PTPRK: variants seen among roughly 807,000 people sequenced by gnomAD.
PTPRK encodes receptor-type tyrosine-protein phosphatase kappa.
PTPRK carries 75 observed loss-of-function variants against 178.0 expected under a neutral mutation model. That is an observed-to-expected ratio of 0.42 (90% CI 0.35 to 0.51). PTPRK has a LOEUF of 0.51. PTPRK is among the 20% of genes least tolerant of loss of function. The probability of loss-of-function intolerance (pLI) is 0.02; values close to 1 mark genes in which losing one functional copy is unlikely to be tolerated. For missense variants in PTPRK, 1,441 were observed against 1,797.8 expected, an observed-to-expected ratio of 0.80 and a Z score of 3.59; for synonymous variants, 637 against 620.6, an observed-to-expected ratio of 1.03 and a Z score of -0.39.
chr6:128,506,389 T>C (rs1397332514), intron 1 of PTPRK, among the ~76,000 whole-genome samples: 1 of 152,194 alleles, frequency 6.6e-6, no homozygotes, highest in African/African-American at 2.4e-5. Context: ...CAATTCTTTG[T>C]AGGCCAAAAA....
At chr6:128,475,722 G>T (rs2128420856) in intron 1 of PTPRK, among the ~76,000 whole-genome samples, 1 of 152,046 alleles carries the variant, frequency 6.6e-6, no homozygotes, top group East Asian at 1.9e-4. Flanking sequence ...GCATCACTGT[G>T]GGTTATGGTC....
At chr6:128,132,557 C>T (rs1274981670) in intron 7 of PTPRK, among the ~76,000 whole-genome samples, 3 of 152,370 alleles carry the variant, frequency 2.0e-5, no homozygotes, top group Admixed American at 6.5e-5. Flanking sequence ...GGGGCCCACA[C>T]TAGAGAACAG....
At chr6:128,511,650 A>G (rs1190346039) in intron 1 of PTPRK, among the ~76,000 whole-genome samples, 2 of 152,256 alleles carry the variant, frequency 1.3e-5, no homozygotes, top group African/African-American at 4.8e-5. Flanking sequence ...CCTGAACTGT[A>G]GTTAGGAGAG....
intron 1 of PTPRK, among the ~76,000 whole-genome samples, chr6:128,461,356 G>A (rs1849028886): frequency 6.6e-6 from 1 of 151,692 alleles, no homozygotes; most frequent in Non-Finnish European, 1.5e-5. Context: ...GCATTAAAAG[G>A]ACACTTAAAT....
At chr6:128,205,377 T>C (rs1056260923) in intron 6 of PTPRK, among the ~76,000 whole-genome samples, 2 of 152,084 alleles carry the variant, frequency 1.3e-5, no homozygotes, top group Non-Finnish European at 2.9e-5. Context: ...CATTTATGTA[T>C]GTAACAAACC....
Position 128,472,637 on chromosome 6 carries a change from T to C in PTPRK, c.100+47622A>G, listed in dbSNP as rs1440202283. On this transcript the variant is annotated intron_variant, in intron 1 of 29. Transcript: ENST00000368226. ...ATATAATTCTACATATTAATATTTT[T>C]AAAACAACTTGAGAGTGGTTGCATA... The C allele has an allele frequency of 1.0e-5, 3 of 295,482 alleles. No homozygotes were observed. In the East Asian group the frequency reaches 3.3e-4, roughly 33 times the overall value. 18.3% of individuals were successfully genotyped at this position (295,482 alleles called of 1,614,324 possible).
chr6:127,990,915 C>T (rs758617630), intron 20 of PTPRK, 30 bp from the exon 21 acceptor site: 13 of 1,293,096 alleles, frequency 1.0e-5, no homozygotes, highest in Non-Finnish European at 1.5e-5. Flanking sequence ...TATAGACAGA[C>T]CTGAATATAT....
At chr6:128,332,105 G>C (rs976050579) in intron 2 of PTPRK, among the ~76,000 whole-genome samples, 4 of 152,216 alleles carry the variant, frequency 2.6e-5, no homozygotes, top group African/African-American at 9.6e-5. Context: ...TACACATTAA[G>C]ATTTAGAAAC....
intron 2 of PTPRK, among the ~76,000 whole-genome samples, chr6:128,349,680 T>C (rs2128336332): frequency 6.6e-6 from 1 of 152,294 alleles, no homozygotes; most frequent in Non-Finnish European, 1.5e-5. Context: ...ATAGGCTTTA[T>C]TTGTAAAATA....
chr6:128,391,139 T>C (rs1420691329), intron 2 of PTPRK, among the ~76,000 whole-genome samples: 1 of 152,112 alleles, frequency 6.6e-6, no homozygotes, highest in African/African-American at 2.4e-5. Flanking sequence ...AAAAGAATTC[T>C]ATTACTTAAA....
At chr6:128,070,627 T>C (rs1782654155) in intron 11 of PTPRK, among the ~76,000 whole-genome samples, 1 of 151,898 alleles carries the variant, frequency 6.6e-6, no homozygotes, top group African/African-American at 2.4e-5. Context: ...GGAACGCTAG[T>C]TGGAGATAAC....
At chr6:128,010,909 T>A (rs1177634886) in intron 13 of PTPRK, among the ~76,000 whole-genome samples, 1 of 151,178 alleles carries the variant, frequency 6.6e-6, no homozygotes, top group Admixed American at 6.6e-5. Flanking sequence ...CTGTAGGGAA[T>A]TTCTAACCTC....
intron 7 of PTPRK, among the ~76,000 whole-genome samples, chr6:128,106,507 G>A (rs1441871865): frequency 6.6e-6 from 1 of 151,552 alleles, no homozygotes; most frequent in African/African-American, 2.4e-5. Flanking sequence ...TAAAGCGCTA[G>A]GAAAAACAAC....
At chr6:128,383,361 G>C (rs1387299910) in intron 2 of PTPRK, among the ~76,000 whole-genome samples, 1 of 152,026 alleles carries the variant, frequency 6.6e-6, no homozygotes. Context: ...TATTATTATA[G>C]TGTTATACGG....
At chr6:128,478,537 A>C (rs576446519) in intron 1 of PTPRK, among the ~76,000 whole-genome samples, 1 of 152,312 alleles carries the variant, frequency 6.6e-6, no homozygotes, top group African/African-American at 2.4e-5. Flanking sequence ...AAACAAGACC[A>C]TAGGCACAGG....
At chr6:128,153,326 A>G (rs2114570218) in intron 7 of PTPRK, among the ~76,000 whole-genome samples, 1 of 152,094 alleles carries the variant, frequency 6.6e-6, no homozygotes, top group Non-Finnish European at 1.5e-5. Flanking sequence ...TCAGTAAGGT[A>G]TAGCACAATG....
intron 2 of PTPRK, among the ~76,000 whole-genome samples, chr6:128,392,687 A>G (rs1305792068): frequency 6.6e-6 from 1 of 152,176 alleles, no homozygotes; most frequent in Non-Finnish European, 1.5e-5. Context: ...GGTTCTGAAA[A>G]TATATATACA....
intron 13 of PTPRK, among the ~76,000 whole-genome samples, chr6:128,016,969 T>C (rs1415964968): frequency 6.6e-6 from 1 of 152,030 alleles, no homozygotes; most frequent in Non-Finnish European, 1.5e-5. Context: ...GTAAATGATT[T>C]CAACTACTAT....
At chr6:128,031,646 A>C (rs117749759) in intron 13 of PTPRK, among the ~76,000 whole-genome samples, 1,626 of 152,338 alleles carry the variant, frequency 0.011, 11 homozygotes, top group Non-Finnish European at 0.014. Context: ...ATTTAAAAAA[A>C]ATCAGCTATG....
Sources: allele counts gnomAD v4.1 joint callset (sites outside exome capture counted in the v4.1 genomes callset), GRCh38; gene constraint gnomAD v4.1.1; transcripts MANE v1.5; gene names NCBI Gene and HGNC (gene_info 2026-07-23, HGNC 2026-07-21).